Variants in IPO11 observed in about 807,000 individuals in gnomAD.
IPO11 encodes importin 11.
Under a neutral mutation model 143.2 loss-of-function variants are expected in IPO11, and 66 were observed. The ratio of observed to expected loss-of-function variants is 0.46; its 90% CI spans 0.38 to 0.57. The LOEUF is 0.57. IPO11 is among the 20% of genes least tolerant of loss of function. IPO11 has a pLI of 0.00. For synonymous variants in IPO11, 385 were observed against 377.8 expected, an observed-to-expected ratio of 1.02 and a Z score of -0.22; for missense variants, 1,026 against 1,141.0, an observed-to-expected ratio of 0.90 and a Z score of 1.45.
chr5:62,586,761 AAAAAAAAATATATATATATATAT>A (rs1240234059), intron 27 of IPO11, among the ~76,000 whole-genome samples: 4 of 98,934 alleles, frequency 4.0e-5, no homozygotes, highest in Non-Finnish European at 6.2e-5. Context: ...CCAAAAAAAA[AAAAAAAAATATATATATATATAT>A]ATATATATAT....
At chr5:62,566,462 G>A (rs1197941326) in intron 27 of IPO11, among the ~76,000 whole-genome samples, 1 of 152,074 alleles carries the variant, frequency 6.6e-6, no homozygotes, top group Non-Finnish European at 1.5e-5. Flanking sequence ...GCTAGGCACA[G>A]TGGCTCATGC....
chr5:62,475,194 A>G (rs1425429284), intron 8 of IPO11, among the ~76,000 whole-genome samples: 2 of 151,882 alleles, frequency 1.3e-5, no homozygotes, highest in Non-Finnish European at 2.9e-5. Flanking sequence ...GATATGAGCC[A>G]CCTTGTCTGG....
At chr5:62,460,363 G>A (rs1056090077) in intron 5 of IPO11, among the ~76,000 whole-genome samples, 1 of 151,992 alleles carries the variant, frequency 6.6e-6, no homozygotes, top group Non-Finnish European at 1.5e-5. Flanking sequence ...TAGTTGTCTT[G>A]TAGGATGCTC....
chr5:62,438,474 C>T (rs1037159005), intron 2 of IPO11, among the ~76,000 whole-genome samples: 2 of 152,122 alleles, frequency 1.3e-5, no homozygotes, highest in Non-Finnish European at 2.9e-5. Flanking sequence ...TGAGTAGGGC[C>T]GGGTGCAGTG....
chr5:62,477,603 CA>C (rs1351080914), intron 9 of IPO11, among the ~76,000 whole-genome samples: 1 of 152,052 alleles, frequency 6.6e-6, no homozygotes, highest in African/African-American at 2.4e-5. Context: ...TAAAAAAACA[CA>C]AAGCAAAGTA....
At chr5:62,618,094 A>G (rs1199647124) in intron 29 of IPO11, among the ~76,000 whole-genome samples, 1 of 152,190 alleles carries the variant, frequency 6.6e-6, no homozygotes, top group African/African-American at 2.4e-5. Context: ...AACTGAGCAT[A>G]TTCTAGGCTA....
intron 27 of IPO11, among the ~76,000 whole-genome samples, chr5:62,587,907 C>T (rs1314082969): frequency 6.6e-6 from 1 of 152,178 alleles, no homozygotes; most frequent in Non-Finnish European, 1.5e-5. Flanking sequence ...ACCACAGTTT[C>T]AGCCACTTTC....
chr5:62,435,438 A>G (rs1414593211), intron 1 of IPO11, among the ~76,000 whole-genome samples: 2 of 150,796 alleles, frequency 1.3e-5, no homozygotes, highest in African/African-American at 4.9e-5. Flanking sequence ...AAAATAAAAA[A>G]TAAAAAAAAA....
At chr5:62,487,962 A>T in intron 13 of IPO11, 101 bp downstream of exon 13, 1 of 936,340 alleles carries the variant, frequency 1.1e-6, no homozygotes, top group Non-Finnish European at 1.6e-6. Flanking sequence ...TTCCTGGGTC[A>T]TATAATAAAT....
intron 24 of IPO11, among the ~76,000 whole-genome samples, chr5:62,549,608 T>A (rs968532077): frequency 2.6e-5 from 4 of 152,204 alleles, no homozygotes; most frequent in African/African-American, 9.6e-5. Flanking sequence ...CTTCCCCACC[T>A]CTCAAGCACT....
rs772871601 is a variant in IPO11, at chr5:62,450,033, A to G, written c.312+34A>G. 7.2e-5 allele frequency: 100 copies of G among 1,391,110 alleles called. No individual in the cohort carries two copies. The Middle Eastern group carries it at 1.1e-3, about 15-fold the overall frequency. The allele number at this position is 1,391,110 out of a possible 1,614,324, so 86.2% of individuals were successfully genotyped here. On this transcript the variant is annotated intron_variant, in intron 4 of 29. Transcript: ENST00000325324. ...GAAATGAATGCTAATTTTTCTTTTT[A>G]TTTGTACTGCTTTTCCAAACTAATT... is the stretch of plus-strand genomic sequence containing the variant.
chr5:62,578,467 T>C (rs1354589938), intron 27 of IPO11, among the ~76,000 whole-genome samples: 3 of 152,120 alleles, frequency 2.0e-5, no homozygotes, highest in Non-Finnish European at 4.4e-5. Flanking sequence ...TTATTTGAAC[T>C]AGCCTTTTCC....
chr5:62,580,889 T>G (rs1280059497), intron 27 of IPO11: 2 of 1,551,398 alleles, frequency 1.3e-6, no homozygotes, highest in Non-Finnish European at 1.7e-6. Context: ...GTGTTACCTG[T>G]GCAAATACAA....
intron 24 of IPO11, among the ~76,000 whole-genome samples, chr5:62,548,538 A>T (rs1175236946): frequency 6.6e-6 from 1 of 152,028 alleles, no homozygotes; most frequent in East Asian, 1.9e-4. Context: ...GAGAAAATAC[A>T]CTCTCTTCGT....
intron 1 of IPO11, among the ~76,000 whole-genome samples, chr5:62,415,996 A>G (rs1209208317): frequency 6.6e-6 from 1 of 152,104 alleles, no homozygotes; most frequent in Non-Finnish European, 1.5e-5. Context: ...AGCTTAAACA[A>G]GAGAATTTTT....
At chr5:62,617,522 T>G (rs1554059063) in intron 29 of IPO11, among the ~76,000 whole-genome samples, 1 of 152,230 alleles carries the variant, frequency 6.6e-6, no homozygotes, top group Non-Finnish European at 1.5e-5. Flanking sequence ...GTAACATTAA[T>G]GTGCCATAGC....
At chr5:62,604,614 T>G (rs1444980381) in intron 29 of IPO11, among the ~76,000 whole-genome samples, 1 of 152,204 alleles carries the variant, frequency 6.6e-6, no homozygotes, top group African/African-American at 2.4e-5. Context: ...CACCCCCACT[T>G]TATCATTCTA....
chr5:62,603,316 G>A (rs182071635), intron 29 of IPO11, among the ~76,000 whole-genome samples: 67 of 152,316 alleles, frequency 4.4e-4, no homozygotes, highest in African/African-American at 1.5e-3. Flanking sequence ...GTGATGGTGG[G>A]TTAAATCAAG....
intron 29 of IPO11, among the ~76,000 whole-genome samples, chr5:62,618,905 CT>C (rs898781533): frequency 1.5e-4 from 22 of 151,286 alleles, no homozygotes; most frequent in African/African-American, 4.1e-4. Flanking sequence ...TACTATCAGT[CT>C]TTTTTTTTAT....
Sources: allele counts gnomAD v4.1 joint callset (sites outside exome capture counted in the v4.1 genomes callset), GRCh38; gene constraint gnomAD v4.1.1; transcripts MANE v1.5; gene names NCBI Gene and HGNC (gene_info 2026-07-23, HGNC 2026-07-21).